OCLN: variants seen among roughly 807,000 people sequenced by gnomAD.
OCLN encodes the protein occludin.
In OCLN, 21 loss-of-function variants were observed where a neutral mutation model predicts 47.9. That is an observed-to-expected ratio of 0.44 (90% CI 0.31 to 0.63). The LOEUF (loss-of-function observed/expected upper bound fraction) is 0.63, where lower values mean the gene tolerates loss of function less well. Among genes scored for constraint, OCLN ranks in the 30% least tolerant of loss-of-function variants. OCLN has a pLI of 0.08. For synonymous variants in OCLN, 117 were observed against 198.4 expected (o/e 0.59, Z 3.45); for missense variants, 360 against 571.0 (o/e 0.63, Z 3.77).
intron 4 of OCLN, among the ~76,000 whole-genome samples, chr5:69,529,581 A>G (rs776533731): frequency 3.9e-5 from 6 of 151,986 alleles, no homozygotes; most frequent in Non-Finnish European, 7.4e-5. Context: ...TTTGAATGTA[A>G]TTTCAAGAGT....
At chr5:69,537,346 C>T (rs973969126) in intron 5 of OCLN, among the ~76,000 whole-genome samples, 1 of 44,640 alleles carries the variant, frequency 2.2e-5, no homozygotes, top group African/African-American at 8.5e-5. Context: ...TACTTAGTCA[C>T]CTCAGTAGCT....
At chr5:69,536,786 G>A (rs1193260874) in intron 5 of OCLN, among the ~76,000 whole-genome samples, 4 of 151,988 alleles carry the variant, frequency 2.6e-5, no homozygotes, top group Non-Finnish European at 5.9e-5. Flanking sequence ...GGCTAACAGG[G>A]TGAAACCCCG....
At position 69,504,210 on chromosome 5, in the gene OCLN, C is replaced by T. The variant is rs1328635216; in HGVS notation, c.-35C>T. 3 of 1,532,652 alleles carry T rather than the reference C, an allele frequency of 2.0e-6. No individual in the cohort carries two copies. Among genetic ancestry groups the T allele is most frequent in the African/African-American group, 2.7e-5 (2 of 73,314 alleles). 94.9% of individuals were successfully genotyped at this position (1,532,652 alleles called of 1,614,324 possible). On this transcript the variant is annotated 5_prime_UTR_variant, in exon 2 of 9. Transcript: ENST00000396442. The stretch of plus-strand genomic sequence containing the variant: ...ATCTTGGAAGCTAAAGGGCATTGCT[C>T]ATCCTGAAGATCAGCTGACCATTGA...
chr5:69,501,885 C>G (rs1463210631), intron 1 of OCLN, among the ~76,000 whole-genome samples: 1 of 152,012 alleles, frequency 6.6e-6, no homozygotes, highest in South Asian at 2.1e-4. Flanking sequence ...TTGAAATACA[C>G]TGTCCTAAAG....
chr5:69,528,678 CTG>C (rs1303718496), intron 4 of OCLN, among the ~76,000 whole-genome samples: 3 of 152,316 alleles, frequency 2.0e-5, no homozygotes, highest in East Asian at 3.9e-4. Flanking sequence ...TTTACCTTCT[CTG>C]TGACTTTGAG....
rs143399643 is a variant in OCLN, at chr5:69,511,544, T to A, written c.729+1725T>A. ...CTCCTACCTCAGTCTCCTGAGTAGC[T>A]AGGACCACAGGGGCATGCCACCACA... On this transcript the variant is annotated intron_variant, in intron 3 of 8. Coordinates refer to ENST00000396442, the MANE Select transcript of OCLN (RefSeq NM_001205254.2). Among the ~76,000 whole-genome samples, 1,348 of 152,096 alleles carry A rather than the reference T, an allele frequency of 8.9e-3. 20 individuals are homozygous for A. Among genetic ancestry groups the A allele is most frequent in the African/African-American group, 0.03 (1,264 of 41,480 alleles).
chr5:69,506,358 G>A (rs1768599877), intron 2 of OCLN, among the ~76,000 whole-genome samples: 1 of 152,186 alleles, frequency 6.6e-6, no homozygotes, highest in South Asian at 2.1e-4. Context: ...GGTGGACAGG[G>A]CGAGGTATGT....
chr5:69,524,879 G>A (rs1769234997), intron 4 of OCLN, among the ~76,000 whole-genome samples: 1 of 152,052 alleles, frequency 6.6e-6, no homozygotes, highest in Admixed American at 6.6e-5. Context: ...TAGAGACAGG[G>A]TTTTGCCATG....
intron 4 of OCLN, among the ~76,000 whole-genome samples, chr5:69,521,027 T>C (rs901946349): frequency 1.3e-5 from 2 of 152,058 alleles, no homozygotes; most frequent in African/African-American, 2.4e-5. Flanking sequence ...TTTGTACTTT[T>C]AGTAGAGATG....
intron 4 of OCLN, among the ~76,000 whole-genome samples, chr5:69,524,117 A>G (rs1431202810): frequency 2.0e-5 from 3 of 152,192 alleles, no homozygotes; most frequent in African/African-American, 7.2e-5. Flanking sequence ...ACTGCACTTC[A>G]GGCTGGGTGA....
Position 69,554,053 on chromosome 5 carries a change from CTG to C in OCLN, c.*384_*385del, listed in dbSNP as rs1167354839. The C allele has an allele frequency of 7.4e-6, 1 of 135,236 alleles. No individual in the cohort carries two copies. The highest frequency in any genetic ancestry group is 2.9e-5 in the African/African-American group (1 of 34,430). 8.4% of individuals were successfully genotyped at this position (135,236 alleles called of 1,614,324 possible). A position where few individuals can be genotyped will look rare whatever the true frequency, so the allele number is the denominator to read the frequency against. ...ATCCTCTCAACCACCTTTCAGATAA[CTG>C]TTATTTATAATCACTTTTTTCCACA... On this transcript the variant is annotated 3_prime_UTR_variant, in exon 9 of 9. Coordinates refer to ENST00000396442, the MANE Select transcript of OCLN (RefSeq NM_001205254.2).
chr5:69,500,301 G>A (rs1301655002), intron 1 of OCLN, among the ~76,000 whole-genome samples: 1 of 151,996 alleles, frequency 6.6e-6, no homozygotes, highest in African/African-American at 2.4e-5. Context: ...TCCCTGAAGA[G>A]GAAATAATAA....
chr5:69,511,160 C>T (rs1377447905), intron 3 of OCLN, among the ~76,000 whole-genome samples: 9 of 151,364 alleles, frequency 5.9e-5, no homozygotes, highest in South Asian at 2.1e-4. Context: ...CTGTGAGCTA[C>T]GCCTCCTGGG....
At chr5:69,502,467 T>G (rs1768487854) in intron 1 of OCLN, 1 of 152,234 alleles carries the variant, frequency 6.6e-6, no homozygotes, top group Non-Finnish European at 1.5e-5. Context: ...ATCTGGTTCC[T>G]GTAAACATTC....
At chr5:69,522,734 T>A (rs186717263) in intron 4 of OCLN, among the ~76,000 whole-genome samples, 1 of 151,912 alleles carries the variant, frequency 6.6e-6, no homozygotes, top group Non-Finnish European at 1.5e-5. Flanking sequence ...CCCTTTTATT[T>A]TTTTTTTTCT....
chr5:69,521,264 A>G (rs933428143), intron 4 of OCLN, among the ~76,000 whole-genome samples: 1 of 152,222 alleles, frequency 6.6e-6, no homozygotes, highest in Non-Finnish European at 1.5e-5. Context: ...CTGTCAGCAC[A>G]TAGACCTAAT....
chr5:69,503,981 T>A (rs1333141982), intron 1 of OCLN, among the ~76,000 whole-genome samples, 196 bp from the exon 2 acceptor site: 1 of 152,074 alleles, frequency 6.6e-6, no homozygotes, highest in Non-Finnish European at 1.5e-5. Flanking sequence ...AGGTCTGTAG[T>A]CCTAGCTACT....
At chr5:69,519,480 T>C (rs545993948) in intron 4 of OCLN, among the ~76,000 whole-genome samples, 142 of 152,342 alleles carry the variant, frequency 9.3e-4, no homozygotes, top group Non-Finnish European at 1.5e-3. Flanking sequence ...TTCCTTTTTC[T>C]GGATATCTTG....
At chr5:69,536,162 A>G (rs1769579111) in intron 5 of OCLN, among the ~76,000 whole-genome samples, 1 of 152,148 alleles carries the variant, frequency 6.6e-6, no homozygotes, top group African/African-American at 2.4e-5. Context: ...CTTGTAAGGC[A>G]CTTACCATGA....
Sources: allele counts gnomAD v4.1 joint callset (sites outside exome capture counted in the v4.1 genomes callset), GRCh38; gene constraint gnomAD v4.1.1; transcripts MANE v1.5; gene names NCBI Gene and HGNC (gene_info 2026-07-23, HGNC 2026-07-21).